DLC1: variants seen among roughly 807,000 people sequenced by gnomAD.
The protein encoded by DLC1 is rho GTPase-activating protein 7.
A neutral mutation model predicts 140.3 loss-of-function variants in DLC1; 54 were observed. The ratio of observed to expected loss-of-function variants is 0.38; its 90% CI spans 0.31 to 0.48. The LOEUF (loss-of-function observed/expected upper bound fraction) is 0.48. Among genes scored for constraint, DLC1 ranks in the 20% least tolerant of loss-of-function variants. The pLI, the probability that DLC1 is intolerant of heterozygous loss-of-function variation, is 0.96. For missense variants in DLC1, 2,536 were observed against 1,907.0 expected, an observed-to-expected ratio of 1.33 and a Z score of -6.14; for synonymous variants, 986 against 728.1, an observed-to-expected ratio of 1.35 and a Z score of -5.70.
intron 5 of DLC1, among the ~76,000 whole-genome samples, chr8:13,291,988 C>CT (rs5889429): frequency 5.2e-4 from 76 of 145,730 alleles, no homozygotes; most frequent in African/African-American, 1.8e-3. Context: ...GCAATGTTTT[C>CT]TTTTTTTTTT....
intron 1 of DLC1, among the ~76,000 whole-genome samples, chr8:13,537,777 C>T (rs1007922463): frequency 2.6e-5 from 4 of 151,408 alleles, no homozygotes; most frequent in African/African-American, 9.7e-5. Flanking sequence ...CCTCAGCCTC[C>T]TGAGTAGCTA....
intron 1 of DLC1, among the ~76,000 whole-genome samples, chr8:13,510,518 A>G (rs976136406): frequency 6.6e-6 from 1 of 152,218 alleles, no homozygotes; most frequent in African/African-American, 2.4e-5. Context: ...ATTTGCACAC[A>G]TGAAATCTCA....
intron 4 of DLC1, among the ~76,000 whole-genome samples, chr8:13,311,683 T>C (rs1474246938): frequency 6.6e-6 from 1 of 152,238 alleles, no homozygotes; most frequent in Non-Finnish European, 1.5e-5. Flanking sequence ...TTATACTATA[T>C]GGTGCAGAAA....
rs569682404 is a variant in DLC1 at position 13,587,671 on chromosome 8, C to T, written c.-126+16866G>A. 1.6e-3 allele frequency among the ~76,000 whole-genome samples: 244 copies of T among 149,092 alleles called. 1 individual carries two copies. The highest frequency in any genetic ancestry group is 5.7e-3 in the African/African-American group (230 of 40,674). On this transcript the variant is annotated intron_variant, in intron 1 of 1. Coordinates refer to the DLC1 transcript ENST00000631382. ...ATGTTTATATAGGCGATGTTAACTG[C>T]AATGTTGGCTCTTTAATCCATAAGT... is the stretch of plus-strand genomic sequence containing the variant.
At chr8:13,086,760 A>G (rs1328029074) in intron 16 of DLC1, among the ~76,000 whole-genome samples, 24 of 152,210 alleles carry the variant, frequency 1.6e-4, no homozygotes, top group Admixed American at 1.6e-3. Flanking sequence ...TCCATGGCTC[A>G]CGCCTGTAAT....
chr8:13,345,698 C>G (rs1002337666), intron 4 of DLC1, among the ~76,000 whole-genome samples: 3 of 151,798 alleles, frequency 2.0e-5, no homozygotes, highest in African/African-American at 7.3e-5. Context: ...GCTGGGATTA[C>G]AGGCACCTGC....
chr8:13,361,891 T>C (rs1039980047), intron 4 of DLC1, among the ~76,000 whole-genome samples: 5 of 152,216 alleles, frequency 3.3e-5, no homozygotes, highest in African/African-American at 1.2e-4. Flanking sequence ...TGCTGGGCAC[T>C]GGGCTAAATA....
chr8:13,286,410 A>G (rs1383818620), intron 5 of DLC1, among the ~76,000 whole-genome samples: 1 of 152,194 alleles, frequency 6.6e-6, no homozygotes, highest in Admixed American at 6.5e-5. Flanking sequence ...TTTAAATGTC[A>G]ATGATAAAAT....
At chr8:13,571,261 A>G (rs1337933288) in intron 1 of DLC1, among the ~76,000 whole-genome samples, 2 of 152,158 alleles carry the variant, frequency 1.3e-5, no homozygotes, top group Non-Finnish European at 2.9e-5. Context: ...TATTAATAGT[A>G]CCATTCAGTA....
Position 13,332,550 on chromosome 8 carries a change from C to A in DLC1, c.1315-27248G>T, listed in dbSNP as rs1833639346. ...GGTTCAAGCGATTCTCCTGCCGCAG[C>A]CTCCTGAGTAGTTGGGATTACAGAT... On this transcript the variant is annotated intron_variant, in intron 4 of 17. Transcript: ENST00000276297. Among the ~76,000 whole-genome samples the A allele has an allele frequency of 1.3e-5, 2 of 151,914 alleles. 1 individual carries two copies. The highest frequency in any genetic ancestry group is 1.3e-4 in the Admixed American group (2 of 15,256).
chr8:13,425,326 T>C (rs1460829236), intron 2 of DLC1, among the ~76,000 whole-genome samples: 1 of 152,182 alleles, frequency 6.6e-6, no homozygotes, highest in Non-Finnish European at 1.5e-5. Context: ...ATATCAATAT[T>C]GATGGAGCCA....
chr8:13,470,198 G>A (rs1800143714), intron 2 of DLC1, among the ~76,000 whole-genome samples: 1 of 152,124 alleles, frequency 6.6e-6, no homozygotes, highest in African/African-American at 2.4e-5. Flanking sequence ...GACTACATAA[G>A]TTAAAAGTAC....
intron 2 of DLC1, among the ~76,000 whole-genome samples, chr8:13,408,341 A>G (rs1837653915): frequency 6.6e-6 from 1 of 152,220 alleles, no homozygotes; most frequent in African/African-American, 2.4e-5. Context: ...ATTAGCGATC[A>G]TGGCTTTATA....
intron 4 of DLC1, among the ~76,000 whole-genome samples, chr8:13,372,400 C>T (rs1348459388): frequency 6.6e-6 from 1 of 152,120 alleles, no homozygotes; most frequent in Non-Finnish European, 1.5e-5. Context: ...TGTACACAAA[C>T]AGAAGAACCG....
At chr8:13,129,007 T>A (rs1821851252) in intron 5 of DLC1, among the ~76,000 whole-genome samples, 2 of 149,354 alleles carry the variant, frequency 1.3e-5, no homozygotes, top group Admixed American at 6.7e-5. Context: ...GCAGTTCTTA[T>A]CACTGATCAT....
rs1227414788 is a variant in DLC1 at position 13,567,126 on chromosome 8, G to A, written c.-126+37411C>T. 10 of 1,551,674 alleles carry A rather than the reference G, an allele frequency of 6.4e-6. No homozygotes were observed. In the East Asian group the frequency reaches 1.7e-4, roughly 27 times the overall value. On this transcript the variant is annotated intron_variant, in intron 1 of 1. Coordinates refer to the DLC1 transcript ENST00000631382. Reference sequence around the variant, plus strand: ...CATTCAGCTCCTCTGGAGGACGGCAGTCCTCGCCCCTGACCTCTGGGAGCA... The same window carrying A: ...CATTCAGCTCCTCTGGAGGACGGCAATCCTCGCCCCTGACCTCTGGGAGCA...
At chr8:13,519,164 G>A (rs1802689083), upstream of DLC1, among the ~76,000 whole-genome samples, 1 of 126,562 alleles carries the variant, frequency 7.9e-6, no homozygotes, top group Non-Finnish European at 1.6e-5. Context: ...GTCTCACTCT[G>A]TCGCCCAGGA....
At chr8:13,104,918 C>T (rs534296897) in intron 7 of DLC1, among the ~76,000 whole-genome samples, 1 of 152,280 alleles carries the variant, frequency 6.6e-6, no homozygotes, top group South Asian at 2.1e-4. Context: ...TTGGGGGTAT[C>T]AATTACTTAA....
intron 5 of DLC1, among the ~76,000 whole-genome samples, chr8:13,231,061 C>G (rs1399855757): frequency 6.6e-6 from 1 of 152,066 alleles, no homozygotes. Context: ...GGAAAGGGAT[C>G]TTTGGAATCT....
Sources: gnomAD v4.1 joint callset for allele counts (sites outside exome capture counted in the v4.1 genomes callset) on GRCh38, gnomAD v4.1.1 for gene constraint, MANE v1.5 for transcripts, NCBI Gene and HGNC (gene_info 2026-07-23, HGNC 2026-07-21) for gene names.